UBE3A: variants seen among roughly 807,000 people sequenced by gnomAD.
The protein encoded by UBE3A is ubiquitin protein ligase E3A, also known as ubiquitin-protein ligase E3A.
UBE3A carries 6 observed loss-of-function variants against 83.4 expected under a neutral mutation model. The observed-to-expected ratio is 0.07, with a 90% CI of 0.04 to 0.14. The LOEUF is 0.14. UBE3A is among the 10% of genes least tolerant of loss of function. The probability of loss-of-function intolerance (pLI) is 1.00; values close to 1 mark genes in which losing one functional copy is unlikely to be tolerated. For synonymous variants in UBE3A, 337 were observed against 355.4 expected (o/e 0.95, Z 0.58); for missense variants, 456 against 1,036.1 (o/e 0.44, Z 7.69).
At chr15:25,434,703 A>C (rs760082038) in intron 1 of UBE3A, among the ~76,000 whole-genome samples, 1 of 152,188 alleles carries the variant, frequency 6.6e-6, no homozygotes, top group Non-Finnish European at 1.5e-5. Context: ...AGGACAGAAC[A>C]TGTGCCAATG....
chr15:25,343,382 T>G (rs2075183195), intron 11 of UBE3A, among the ~76,000 whole-genome samples: 1 of 151,856 alleles, frequency 6.6e-6, no homozygotes, highest in Non-Finnish European at 1.5e-5. Flanking sequence ...AGACCACCAG[T>G]GATGAGAAAT....
intron 4 of UBE3A, among the ~76,000 whole-genome samples, chr15:25,379,081 C>G (rs901779995): frequency 1.3e-5 from 2 of 152,066 alleles, no homozygotes; most frequent in African/African-American, 4.8e-5. Flanking sequence ...TCTTTCTGGA[C>G]GTAAGTTTCC....
At chr15:25,386,814 A>C (rs948881304) in intron 4 of UBE3A, among the ~76,000 whole-genome samples, 50 of 152,222 alleles carry the variant, frequency 3.3e-4, no homozygotes, top group Middle Eastern at 3.4e-3. Context: ...AGAAAAAAAA[A>C]CCATAAACCT....
chr15:25,409,005 C>G (rs1219875580), intron 3 of UBE3A, 83 bp downstream of exon 3: 1 of 1,411,936 alleles, frequency 7.1e-7, no homozygotes, highest in Non-Finnish European at 9.8e-7. Flanking sequence ...TTCCTGCCAA[C>G]TATACATTGT....
At chr15:25,397,427 T>C (rs1385578655) in intron 4 of UBE3A, among the ~76,000 whole-genome samples, 1 of 152,168 alleles carries the variant, frequency 6.6e-6, no homozygotes, top group African/African-American at 2.4e-5. Flanking sequence ...ATTCTAAACT[T>C]GACTCATCCT....
At chr15:25,366,162 A>T (rs1256967089) in intron 6 of UBE3A, among the ~76,000 whole-genome samples, 1 of 152,240 alleles carries the variant, frequency 6.6e-6, no homozygotes, top group Non-Finnish European at 1.5e-5. Context: ...GCATAAACCA[A>T]GCATATTTCT....
intron 5 of UBE3A, among the ~76,000 whole-genome samples, chr15:25,372,867 T>C (rs185092741): frequency 6.6e-6 from 1 of 152,236 alleles, no homozygotes; most frequent in East Asian, 1.9e-4. Context: ...GTGTACAACA[T>C]GTAGAATTTT....
Position 25,337,712 on chromosome 15 carries a change from CA to C in UBE3A, c.*1424del, listed in dbSNP as rs1277492923. 6.6e-6 allele frequency: 1 copy of C among 151,956 alleles called. No homozygotes were observed. The highest frequency in any genetic ancestry group is 1.9e-4 in the East Asian group (1 of 5,186). The allele number at this position is 151,956 out of a possible 1,614,324, so 9.4% of individuals were successfully genotyped here. ...TCAATCAATCAATCAATCACCAAGG[CA>C]CAAGCTCAGCACATTAGCTATAGCT... On this transcript the variant is annotated 3_prime_UTR_variant, in exon 13 of 13. Coordinates refer to ENST00000648336, the MANE Select transcript of UBE3A (RefSeq NM_130839.5).
intron 4 of UBE3A, among the ~76,000 whole-genome samples, chr15:25,393,535 T>TAA (rs1003635147): frequency 1.3e-5 from 2 of 152,192 alleles, no homozygotes; most frequent in African/African-American, 4.8e-5. Flanking sequence ...TTCTATGTAC[T>TAA]AAAGGTAAAC....
Position 25,372,086 on chromosome 15 carries a change from C to T in UBE3A, c.362-274G>A, listed in dbSNP as rs575593473. ...CTCTTAATAAGATCATGAGTTTAAA[C>T]TTTCTTTATAATCAAGATATCTATT... is the stretch of plus-strand genomic sequence containing the variant. On this transcript the variant is annotated intron_variant, in intron 5 of 12. Coordinates refer to ENST00000648336, the MANE Select transcript of UBE3A (RefSeq NM_130839.5). Among the ~76,000 whole-genome samples the T allele has an allele frequency of 1.1e-3, 168 of 152,208 alleles. 1 individual carries two copies. The highest frequency in any genetic ancestry group is 1.9e-3 in the Non-Finnish European group (131 of 68,006).
intron 4 of UBE3A, among the ~76,000 whole-genome samples, chr15:25,389,357 A>G (rs946452837): frequency 5.9e-5 from 9 of 151,938 alleles, no homozygotes; most frequent in Admixed American, 5.2e-4. Context: ...AAACTATAAA[A>G]CTCCTAGAGG....
At chr15:25,369,245 A>G (rs2152810224) in intron 6 of UBE3A, among the ~76,000 whole-genome samples, 1 of 152,194 alleles carries the variant, frequency 6.6e-6, no homozygotes, top group South Asian at 2.1e-4. Context: ...AAGCAATAAT[A>G]ATGACTTCAG....
chr15:25,363,809 A>G (rs2078538764), intron 6 of UBE3A, among the ~76,000 whole-genome samples: 1 of 152,138 alleles, frequency 6.6e-6, no homozygotes, highest in Non-Finnish European at 1.5e-5. Flanking sequence ...AGTAGTTGGT[A>G]ACTGAATTCT....
intron 4 of UBE3A, among the ~76,000 whole-genome samples, chr15:25,383,437 G>C (rs906784771): frequency 2.6e-5 from 4 of 152,116 alleles, no homozygotes; most frequent in Admixed American, 2.6e-4. Context: ...AGGAGTGTGA[G>C]ACCAGCCTGG....
intron 4 of UBE3A, among the ~76,000 whole-genome samples, chr15:25,388,567 T>C (rs2083621045): frequency 6.6e-6 from 1 of 151,750 alleles, no homozygotes; most frequent in African/African-American, 2.4e-5. Context: ...GAAAAGAATA[T>C]CCCCACCTCA....
At chr15:25,360,606 G>A in intron 6 of UBE3A, 79 bp from the exon 7 acceptor site, 1 of 1,510,088 alleles carries the variant, frequency 6.6e-7, no homozygotes, top group South Asian at 1.2e-5. Flanking sequence ...CAAGGAGTAG[G>A]ATTAGGAAAC....
At chr15:25,352,573 A>G in intron 11 of UBE3A, among the ~76,000 whole-genome samples, 1 of 152,234 alleles carries the variant, frequency 6.6e-6, no homozygotes, top group East Asian at 1.9e-4. Context: ...ATTTTGTTGG[A>G]AAAATGGTGC....
chr15:25,372,652 G>C (rs2080478681), intron 5 of UBE3A, among the ~76,000 whole-genome samples: 1 of 152,252 alleles, frequency 6.6e-6, no homozygotes, highest in African/African-American at 2.4e-5. Flanking sequence ...CTGGCTAATA[G>C]GATGAAAGAT....
chr15:25,371,934 A>G lies in UBE3A; in HGVS notation c.362-122T>C. 9.9e-7 allele frequency: 1 copy of G among 1,009,332 alleles called. No homozygotes were observed. Among genetic ancestry groups the G allele is most frequent in the South Asian group, 1.7e-5 (1 of 59,976 alleles). The allele number at this position is 1,009,332 out of a possible 1,614,324, so 62.5% of individuals were successfully genotyped here. A position where few individuals can be genotyped will look rare whatever the true frequency, so the allele number is the denominator to read the frequency against. On this transcript the variant is annotated intron_variant, in intron 5 of 12. Transcript: ENST00000648336. This position sits in a 1 kb window ranked among gnomAD's most constrained non-coding sequence, Gnocchi z 5.3. ...AGGCTCAATATCATTTATGATATAC[A>G]ACTCTTAAAGTATCTAATACTTAGA... is the stretch of plus-strand genomic sequence containing the variant.
Sources: gnomAD v4.1 joint callset for allele counts (sites outside exome capture counted in the v4.1 genomes callset) on GRCh38, gnomAD v4.1.1 for gene constraint, Gnocchi (gnomAD v3.1) non-coding constraint, MANE v1.5 for transcripts, NCBI Gene and HGNC (gene_info 2026-07-23, HGNC 2026-07-21) for gene names.